EGFLAM: variants seen among roughly 807,000 people sequenced by gnomAD.
The protein encoded by EGFLAM is pikachurin.
Under a neutral mutation model 113.1 loss-of-function variants are expected in EGFLAM, and 79 were observed. The ratio of observed to expected loss-of-function variants is 0.70; its 90% CI spans 0.58 to 0.84. The LOEUF (loss-of-function observed/expected upper bound fraction) is 0.84. EGFLAM is among the 40% of genes least tolerant of loss of function. The pLI, the probability that EGFLAM is intolerant of heterozygous loss-of-function variation, is 0.00. For missense variants in EGFLAM, 1,265 were observed against 1,291.6 expected, an observed-to-expected ratio of 0.98 and a Z score of 0.32; for synonymous variants, 504 against 487.6, an observed-to-expected ratio of 1.03 and a Z score of -0.44.
At chr5:38,393,901 C>G (rs1471014061) in intron 6 of EGFLAM, among the ~76,000 whole-genome samples, 1 of 152,192 alleles carries the variant, frequency 6.6e-6, no homozygotes, top group Non-Finnish European at 1.5e-5. Flanking sequence ...CAGGAAGAAT[C>G]AGGTCACACA....
chr5:38,298,647 G>C (rs1239365105), intron 1 of EGFLAM, among the ~76,000 whole-genome samples: 2 of 152,064 alleles, frequency 1.3e-5, no homozygotes, highest in African/African-American at 4.8e-5. Flanking sequence ...ACAAACATTA[G>C]CTAAGATTGT....
intron 6 of EGFLAM, among the ~76,000 whole-genome samples, chr5:38,387,417 C>T (rs1012548477): frequency 6.6e-6 from 1 of 152,172 alleles, no homozygotes; most frequent in Admixed American, 6.5e-5. Context: ...CCAACTGTCT[C>T]CAGGAGCCTT....
intron 1 of EGFLAM, among the ~76,000 whole-genome samples, chr5:38,315,641 G>T (rs1738574006): frequency 6.6e-6 from 1 of 152,166 alleles, no homozygotes; most frequent in African/African-American, 2.4e-5. Context: ...TGAGTGAGAG[G>T]CTGGTTTCTG....
chr5:38,288,651 G>A (rs917891104), intron 1 of EGFLAM, among the ~76,000 whole-genome samples: 1 of 152,214 alleles, frequency 6.6e-6, no homozygotes, highest in Admixed American at 6.5e-5. Flanking sequence ...GTATTGTTCA[G>A]TTACATAATG....
chr5:38,337,443 A>G, intron 1 of EGFLAM, 77 bp from the exon 2 acceptor site: 2 of 1,278,146 alleles, frequency 1.6e-6, no homozygotes, highest in Non-Finnish European at 2.2e-6. Context: ...TAGATAATGC[A>G]CTCTTAAATC....
intron 1 of EGFLAM, among the ~76,000 whole-genome samples, chr5:38,274,496 C>T (rs1757838725): frequency 6.6e-6 from 1 of 152,050 alleles, no homozygotes; most frequent in Non-Finnish European, 1.5e-5. Flanking sequence ...TCCAATATGC[C>T]TAACAGCAGA....
At chr5:38,349,952 T>TACACACACAC (rs60439871) in intron 3 of EGFLAM, among the ~76,000 whole-genome samples, 7 of 144,278 alleles carry the variant, frequency 4.9e-5, no homozygotes, top group East Asian at 2.1e-4. Context: ...GCAGGGGAAG[T>TACACACACAC]ACACACACAC....
intron 12 of EGFLAM, among the ~76,000 whole-genome samples, chr5:38,421,871 A>C (rs1419192525): frequency 6.6e-6 from 1 of 151,918 alleles, no homozygotes; most frequent in Non-Finnish European, 1.5e-5. Context: ...AGGAAGGGGG[A>C]GATGGGTGCC....
intron 10 of EGFLAM, 42 bp from the exon 11 acceptor site, chr5:38,412,462 T>C: frequency 6.2e-7 from 1 of 1,613,926 alleles, no homozygotes; most frequent in Non-Finnish European, 8.5e-7. Flanking sequence ...CATAATGGCC[T>C]GGTTCGTCAA....
At chr5:38,296,302 A>T (rs2111810413) in intron 1 of EGFLAM, among the ~76,000 whole-genome samples, 1 of 152,172 alleles carries the variant, frequency 6.6e-6, no homozygotes, top group East Asian at 1.9e-4. Context: ...GTAAGCATTA[A>T]TCTGATGATG....
chr5:38,453,058 C>A (rs1742973148), intron 19 of EGFLAM, among the ~76,000 whole-genome samples: 2 of 152,120 alleles, frequency 1.3e-5, no homozygotes. Flanking sequence ...GTCCCCAGAC[C>A]AGCAGCCCCA....
chr5:38,429,769 C>A (rs1313424479), intron 14 of EGFLAM: 1 of 152,160 alleles, frequency 6.6e-6, no homozygotes, highest in East Asian at 1.9e-4. Flanking sequence ...TGATACCGAG[C>A]ACCTATAGTC....
At chr5:38,373,024 A>G (rs1280141505) in intron 6 of EGFLAM, among the ~76,000 whole-genome samples, 3 of 151,332 alleles carry the variant, frequency 2.0e-5, no homozygotes, top group South Asian at 2.1e-4. Flanking sequence ...AATTTAACAA[A>G]TTAACAAATT....
chr5:38,461,225 C>T (rs1185508666), intron 20 of EGFLAM: 1 of 152,172 alleles, frequency 6.6e-6, no homozygotes, highest in African/African-American at 2.4e-5. Flanking sequence ...ACTGTTCATT[C>T]ATCATCTGGG....
At chr5:38,425,910 G>C (rs373068415) in intron 13 of EGFLAM, among the ~76,000 whole-genome samples, 11 of 152,044 alleles carry the variant, frequency 7.2e-5, no homozygotes, top group Non-Finnish European at 1.5e-4. Context: ...GGCGGATCAC[G>C]AGGCCAACGT....
intron 1 of EGFLAM, among the ~76,000 whole-genome samples, chr5:38,289,278 C>T (rs925166878): frequency 2.0e-5 from 3 of 151,068 alleles, no homozygotes; most frequent in Admixed American, 1.3e-4. Flanking sequence ...TTTCCCCGCC[C>T]CCACATTTCA....
chr5:38,269,735 C>G (rs1158821513), intron 1 of EGFLAM, among the ~76,000 whole-genome samples: 2 of 152,116 alleles, frequency 1.3e-5, no homozygotes, highest in Admixed American at 6.6e-5. Context: ...ATGATCCGCC[C>G]GCCTCGGCCT....
chr5:38,270,366 G>T (rs921010297), intron 1 of EGFLAM, among the ~76,000 whole-genome samples: 1 of 152,022 alleles, frequency 6.6e-6, no homozygotes, highest in Non-Finnish European at 1.5e-5. Flanking sequence ...ATATTTGTTA[G>T]ACCTTCAATG....
chr5:38,370,479 T>C lies in EGFLAM; in HGVS notation c.712+17T>C. On this transcript the variant is annotated intron_variant, in intron 6 of 21. Transcript: ENST00000322350. ...GGACCCTCTGTGAGTACCAGGGTCC[T>C]TCTGAGGGACCAAGGGAGCTGCATA... 6.2e-7 allele frequency: 1 copy of C among 1,610,360 alleles called. No individual in the cohort carries two copies.
Sources: allele counts gnomAD v4.1 joint callset (sites outside exome capture counted in the v4.1 genomes callset), GRCh38; gene constraint gnomAD v4.1.1; transcripts MANE v1.5; gene names NCBI Gene and HGNC (gene_info 2026-07-23, HGNC 2026-07-21).